ARRDC5: variants seen among roughly 807,000 people sequenced by gnomAD.
ARRDC5 encodes arrestin domain containing 5.
In ARRDC5, 12 loss-of-function variants were observed where a neutral mutation model predicts 13.3. The observed-to-expected ratio is 0.90, with a 90% CI of 0.58 to 1.46. The LOEUF (loss-of-function observed/expected upper bound fraction) is 1.46, where lower values mean the gene tolerates loss of function less well. Ranked by LOEUF, ARRDC5 falls within the 40% of genes most tolerant of loss-of-function variation. The probability of loss-of-function intolerance (pLI) is 0.00; values close to 1 mark genes in which losing one functional copy is unlikely to be tolerated. For synonymous variants in ARRDC5, 181 were observed against 173.4 expected (o/e 1.04, Z -0.34); for missense variants, 406 against 418.7 (o/e 0.97, Z 0.26).
upstream of ARRDC5, chr19:4,903,005 G>T: frequency 1.6e-6 from 1 of 641,624 alleles, no homozygotes; most frequent in East Asian, 2.8e-5. Context: ...TGGTTGATTG[G>T]GAAACCTGTA....
chr19:4,898,139 C>A lies in ARRDC5; in HGVS notation c.254-1263G>T, dbSNP rs556559719. On this transcript the variant is annotated intron_variant, in intron 1 of 2. Coordinates refer to ENST00000650722, the MANE Select transcript of ARRDC5 (RefSeq NM_001080523.3). ...TAGTATGTGAGGCAGAGAAAACTTT[C>A]GCCCTCATAGAGCTTGACCTTCAGT... Among the ~76,000 whole-genome samples, 8 of 152,136 alleles carry A rather than the reference C, an allele frequency of 5.3e-5. No homozygotes were observed. The South Asian group carries it at 1.7e-3, about 32-fold the overall frequency.
chr19:4,908,263 C>T, the ARRDC5 span, among the ~76,000 whole-genome samples: 15,088 of 152,142 alleles, frequency 0.099, 876 homozygotes, highest in Non-Finnish European at 0.13. Context: ...CGCATATCTT[C>T]GGGGGCCATG....
the ARRDC5 span, among the ~76,000 whole-genome samples, chr19:4,912,815 A>T: frequency 6.6e-6 from 1 of 152,136 alleles, no homozygotes; most frequent in African/African-American, 2.4e-5. Context: ...GCTGTGTTGC[A>T]GTGGCACGAT....
chr19:4,896,982 G>GT, intron 1 of ARRDC5, 106 bp from the exon 2 acceptor site: 11 of 766,136 alleles, frequency 1.4e-5, no homozygotes, highest in Non-Finnish European at 2.2e-5. Flanking sequence ...TTTGAGACAC[G>GT]GTCTCACTCT....
At chr19:4,912,143 C>T in the ARRDC5 span, among the ~76,000 whole-genome samples, 25 of 152,276 alleles carry the variant, frequency 1.6e-4, no homozygotes, top group African/African-American at 5.5e-4. Flanking sequence ...TCTTAAGAAT[C>T]TGAGTTAACC....
chr19:4,894,766 A>T (rs1372657396), intron 2 of ARRDC5, among the ~76,000 whole-genome samples: 1 of 151,694 alleles, frequency 6.6e-6, no homozygotes, highest in East Asian at 1.9e-4. Flanking sequence ...GAAGAAGAAG[A>T]AGAAGAAAAT....
chr19:4,896,346 A>C, intron 2 of ARRDC5, among the ~76,000 whole-genome samples: 1 of 72,128 alleles, frequency 1.4e-5, no homozygotes, highest in Admixed American at 2.0e-4. Context: ...ATATATATAT[A>C]TATTTTTTTT....
the ARRDC5 span, among the ~76,000 whole-genome samples, chr19:4,915,967 G>A: frequency 5.3e-5 from 8 of 152,254 alleles, no homozygotes; most frequent in East Asian, 1.5e-3. Flanking sequence ...TGATCCAATA[G>A]CCCCAGGAGC....
chr19:4,891,467 T>C lies in ARRDC5; in HGVS notation c.566A>G (p.Glu189Gly). The part of the protein sequence containing the change: ...QMERNTFTPG[E>G]KVVFTTEINN... ...GATCTCTGTTGTGAAGACGACCTTC[T>C]CTCCTGGCGTGAAGGTGTTCCTTTC... Residue 189 changes from glutamate to glycine, a missense_variant, in exon 3 of 3, where the codon GAG (glutamate) becomes GGG (glycine). Physicochemically the swap from Glu to Gly is moderately conservative, Grantham distance 98. Coordinates refer to ENST00000650722, the MANE Select transcript of ARRDC5 (RefSeq NM_001080523.3). 5 of 1,613,812 alleles carry C rather than the reference T, an allele frequency of 3.1e-6. No homozygotes were observed. Among genetic ancestry groups the C allele is most frequent in the Non-Finnish European group, 4.2e-6 (5 of 1,179,868 alleles).
intron 2 of ARRDC5, among the ~76,000 whole-genome samples, chr19:4,895,422 C>CAAAAAAAAAAAAAAA (rs1039157516): frequency 6.2e-4 from 44 of 70,612 alleles, no homozygotes; most frequent in Non-Finnish European, 7.9e-4. Flanking sequence ...GACTCCGTCT[C>CAAAAAAAAAAAAAAA]AAAAAAAAAA....
At position 4,892,960 on chromosome 19, in the gene ARRDC5, G is replaced by A. The variant is rs1014123791; in HGVS notation, c.460-1387C>T. ...TCTACTAAAAATACAAAAATTAGCCGGGCGTGGTGGCAGGCGTCGGCAATC... is the reference window on the plus strand; with the variant it reads ...TCTACTAAAAATACAAAAATTAGCCAGGCGTGGTGGCAGGCGTCGGCAATC... On this transcript the variant is annotated intron_variant, in intron 2 of 2. Transcript: ENST00000650722. 2.0e-5 allele frequency among the ~76,000 whole-genome samples: 3 copies of A among 150,818 alleles called. No homozygotes were observed. The Admixed American group carries it at 2.0e-4, about 10-fold the overall frequency.
chr19:4,896,401 C>G (rs375471687), intron 2 of ARRDC5, among the ~76,000 whole-genome samples: 1 of 98,876 alleles, frequency 1.0e-5, no homozygotes. Flanking sequence ...CACACACACA[C>G]ACACATATAT....
At chr19:4,906,502 C>T (rs2032067137), upstream of ARRDC5, among the ~76,000 whole-genome samples, 1 of 152,132 alleles carries the variant, frequency 6.6e-6, no homozygotes, top group Admixed American at 6.6e-5. Context: ...GCCTGTAATC[C>T]CAGCACTTTG....
chr19:4,907,023 A>G (rs546960277), upstream of ARRDC5, among the ~76,000 whole-genome samples: 10 of 152,296 alleles, frequency 6.6e-5, no homozygotes, highest in East Asian at 1.9e-3. Flanking sequence ...CAAACAGTGA[A>G]CAGCACCATC....
chr19:4,900,954 G>A (rs2031892183), intron 1 of ARRDC5, among the ~76,000 whole-genome samples: 1 of 151,990 alleles, frequency 6.6e-6, no homozygotes, highest in African/African-American at 2.4e-5. Flanking sequence ...AGGAGGTGGA[G>A]GTTGCAGTGA....
upstream of ARRDC5, among the ~76,000 whole-genome samples, chr19:4,904,203 G>A (rs2032013460): frequency 1.3e-5 from 2 of 151,366 alleles, no homozygotes; most frequent in Admixed American, 6.6e-5. Flanking sequence ...TTTGAGATTG[G>A]AGTCTCACTT....
intron 2 of ARRDC5, among the ~76,000 whole-genome samples, chr19:4,896,395 CACACACACACAT>C (rs1170483825): frequency 1.5e-5 from 2 of 132,906 alleles, no homozygotes; most frequent in African/African-American, 5.5e-5. Context: ...CACACACACA[CACACACACACAT>C]ATATATAATT....
the ARRDC5 span, among the ~76,000 whole-genome samples, chr19:4,913,316 C>A: frequency 7.3e-6 from 1 of 137,266 alleles, no homozygotes; most frequent in African/African-American, 2.8e-5. Flanking sequence ...TGCAGTGGCT[C>A]GATCTGGGCT....
At position 4,891,064 on chromosome 19, in the gene ARRDC5, G is replaced by T. The variant is rs1290098678; in HGVS notation, c.969C>A (p.Asn323Lys). The change falls in exon 3 of 3, where the codon AAC becomes AAA. Residue 323 changes from asparagine (N) to lysine (K), a missense_variant. Physicochemically the swap from Asn to Lys is moderately conservative, Grantham distance 94 (BLOSUM62 0). Transcript: ENST00000650722. ...CGGGCACTTAATTCTGGTGATCTGG[G>T]TTCACGGGTAACACTCCGTCCTCTG... Reference protein sequence around the residue: ...QLSEDGVLPVNPDHQN With the variant: ...QLSEDGVLPVKPDHQN The T allele has an allele frequency of 6.2e-7, 1 of 1,612,484 alleles. No homozygotes were observed. Among genetic ancestry groups the T allele is most frequent in the Non-Finnish European group, 8.5e-7 (1 of 1,179,314 alleles).
Sources: gnomAD v4.1 joint callset for allele counts (sites outside exome capture counted in the v4.1 genomes callset) on GRCh38, gnomAD v4.1.1 for gene constraint, MANE v1.5 for transcripts, NCBI Gene and HGNC (gene_info 2026-07-23, HGNC 2026-07-21) for gene names.